Variants in CENPE observed in about 807,000 individuals in gnomAD.
The protein encoded by CENPE is centromere protein E.
A neutral mutation model predicts 336.1 loss-of-function variants in CENPE; 145 were observed. The observed-to-expected ratio is 0.43, with a 90% confidence interval of 0.38 to 0.50. The LOEUF is 0.50. Among genes scored for constraint, CENPE ranks in the 20% least tolerant of loss-of-function variants. The probability of loss-of-function intolerance (pLI) is 0.00; values close to 1 mark genes in which losing one functional copy is unlikely to be tolerated. For synonymous variants in CENPE, 1,013 were observed against 984.8 expected, an observed-to-expected ratio of 1.03 and a Z score of -0.54; for missense variants, 2,719 against 3,023.3, an observed-to-expected ratio of 0.90 and a Z score of 2.36.
Position 103,181,403 on chromosome 4 carries a change from T to G in CENPE, c.1017A>C (p.Ser339=). ...MKNTPYVNEV[S]TDEALLKRYR... ...ACCTTTTCAGGAGAGCTTCATCAGT[T>G]GATACCTCATTAACATAAGGAGTAT... The change falls in exon 12 of 49, where the codon TCA becomes TCC. Residue 339 remains serine, a synonymous_variant. Transcript: ENST00000265148. 1 of 1,569,332 alleles carries G rather than the reference T, an allele frequency of 6.4e-7. No homozygotes were observed. Among genetic ancestry groups the G allele is most frequent in the Non-Finnish European group, 8.7e-7 (1 of 1,154,676 alleles).
At chr4:103,179,375 C>T (rs976489507) in intron 13 of CENPE, among the ~76,000 whole-genome samples, 3 of 152,152 alleles carry the variant, frequency 2.0e-5, no homozygotes. Context: ...TTTAAAACGC[C>T]CCTGCTACTA....
In CENPE at chr4:103,147,416, T is replaced by C; in HGVS notation, c.4074A>G (p.Lys1358=). The C allele has an allele frequency of 6.2e-7, 1 of 1,613,394 alleles. No homozygotes were observed. Among genetic ancestry groups the C allele is most frequent in the Non-Finnish European group, 8.5e-7 (1 of 1,179,920 alleles). ...GGTCATGTTTAACTTCAAGGGCTTC[T>C]TTTATCGTTTTAAGGTTGTCTCTTT... is the stretch of plus-strand genomic sequence containing the variant. ...TKERDNLKTI[K]EALEVKHDQL... Residue 1358 remains lysine, a synonymous_variant, in exon 29 of 49, where the codon AAA becomes AAG. Transcript: ENST00000265148.
rs554398595 is a variant in CENPE at position 103,118,469 on chromosome 4, G to A, written c.7329+1679C>T. Among the ~76,000 whole-genome samples, 11 of 152,194 alleles carry A rather than the reference G, an allele frequency of 7.2e-5. 1 individual carries two copies. In the South Asian group the frequency reaches 2.3e-3, roughly 31 times the overall value. ...GATTTATCTTTTATATACAGTTTCT[G>A]CCAGTCTGTGGCTTCTCTTGATTCT... On this transcript the variant is annotated intron_variant, in intron 44 of 48. Coordinates refer to ENST00000265148, the MANE Select transcript of CENPE (RefSeq NM_001813.3).
In CENPE at chr4:103,147,375, A is replaced by G. The variant is rs770632861; in HGVS notation, c.4115T>C (p.Ile1372Thr). Reference protein sequence around the residue: ...EVKHDQLKEHIRETLAKIQES... With the variant: ...EVKHDQLKEHTRETLAKIQES... ...ACTTACTTTAGCCAAAGTTTCTCTA[A>G]TATGTTCTTTCAGCTGGTCATGTTT... The change falls in exon 29 of 49, where the codon ATT becomes ACT. Residue 1372 changes from isoleucine (I) to threonine (T), a missense_variant. Ile to Thr is a moderately conservative substitution (Grantham distance 89). Coordinates refer to ENST00000265148, the MANE Select transcript of CENPE (RefSeq NM_001813.3). 4.4e-6 allele frequency: 7 copies of G among 1,604,758 alleles called. No individual in the cohort carries two copies. The African/African-American group carries it at 6.7e-5, about 15-fold the overall frequency.
chr4:103,187,215 C>T (rs1030361491), intron 8 of CENPE, among the ~76,000 whole-genome samples: 5 of 152,260 alleles, frequency 3.3e-5, no homozygotes, highest in East Asian at 1.9e-4. Context: ...ACCAATCAGA[C>T]GTAGATTTGG....
chr4:103,149,693 A>T (rs1229798917), intron 26 of CENPE, among the ~76,000 whole-genome samples: 16 of 152,224 alleles, frequency 1.1e-4, no homozygotes, highest in Admixed American at 1.0e-3. Context: ...TCTTCATTCC[A>T]ATGAGTGTAT....
Position 103,186,738 on chromosome 4 carries a change from T to A in CENPE, c.694-877A>T, listed in dbSNP as rs114591344. Among the ~76,000 whole-genome samples, 800 of 152,238 alleles carry A rather than the reference T, an allele frequency of 5.3e-3. 9 individuals are homozygous for A. Among genetic ancestry groups the A allele is most frequent in the African/African-American group, 0.018 (753 of 41,536 alleles). On this transcript the variant is annotated intron_variant, in intron 8 of 48. Transcript: ENST00000265148. The stretch of plus-strand genomic sequence containing the variant: ...ATGTTGTGATAAGTGTAACAGAGAT[T>A]ATTTAAATAGAGCTGGAAAAGGGGC...
At chr4:103,178,223 C>T (rs886776213) in intron 13 of CENPE, among the ~76,000 whole-genome samples, 50 of 152,118 alleles carry the variant, frequency 3.3e-4, no homozygotes, top group African/African-American at 1.2e-3. Context: ...CCTTTATCAG[C>T]CTCCTGAGCA....
chr4:103,161,474 A>T lies in CENPE; in HGVS notation c.1843-17T>A. The T allele has an allele frequency of 6.5e-7, 1 of 1,549,602 alleles. No individual in the cohort carries two copies. Among genetic ancestry groups the T allele is most frequent in the Non-Finnish European group, 8.7e-7 (1 of 1,154,894 alleles). ...AATGCTTTCCTAGACAGATGACAAA[A>T]GGGGTTCACTGAAATCTAATTTTCA... On this transcript the variant is annotated splice_polypyrimidine_tract_variant and intron_variant, in intron 18 of 48. Transcript: ENST00000265148.
chr4:103,160,858 CT>C, intron 20 of CENPE, 79 bp from the exon 21 acceptor site: 5 of 1,254,488 alleles, frequency 4.0e-6, no homozygotes, highest in South Asian at 3.1e-5. Flanking sequence ...CTTGAATCAC[CT>C]TTTTCAGGAT....
intron 34 of CENPE, 47 bp downstream of exon 34, chr4:103,143,201 G>A (rs1295746094): frequency 1.8e-5 from 25 of 1,385,246 alleles, no homozygotes; most frequent in African/African-American, 2.9e-5. Context: ...TACACAAAAA[G>A]TTTGATTCAA....
intron 18 of CENPE, 145 bp from the exon 19 acceptor site, chr4:103,161,602 T>C (rs547383554): frequency 7.7e-6 from 5 of 647,442 alleles, no homozygotes; most frequent in African/African-American, 7.6e-5. Context: ...AAAGAAATAA[T>C]GTTTTCCTAA....
intron 10 of CENPE, 144 bp downstream of exon 10, chr4:103,183,057 A>G: frequency 4.6e-6 from 4 of 866,254 alleles, no homozygotes; most frequent in Non-Finnish European, 7.0e-6. Flanking sequence ...ACAGAAAGTA[A>G]ATTCAGTAGA....
chr4:103,181,274 T>C, intron 12 of CENPE, 63 bp downstream of exon 12: 1 of 1,213,388 alleles, frequency 8.2e-7, no homozygotes. Flanking sequence ...CTCTGAGCAT[T>C]TGGGCAGGTC....
intron 31 of CENPE, 75 bp downstream of exon 31, chr4:103,145,448 T>C (rs1210237867): frequency 2.1e-6 from 3 of 1,423,082 alleles, no homozygotes; most frequent in Admixed American, 2.0e-5. Context: ...GCATGCCAAA[T>C]AGTAGTCTTC....
Position 103,139,795 on chromosome 4 carries a change from T to C in CENPE, c.6198A>G (p.Ile2066Met), listed in dbSNP as rs754628122. 32 of 1,604,262 alleles carry C rather than the reference T, an allele frequency of 2.0e-5. No individual in the cohort carries two copies. Among genetic ancestry groups the C allele is most frequent in the Non-Finnish European group, 2.6e-5 (31 of 1,176,360 alleles). ...AGGAAGACTCTGAACTCACTCTAGC[T>C]ATCATTTCCCTTAAGGTTGCTATGA... ...DQFIATLREM[I>M]ARDRQNHQVK... The change falls in exon 38 of 49, where the codon ATA (isoleucine) becomes ATG (methionine). Residue 2066 changes from isoleucine to methionine, a missense_variant. By Grantham distance (10) the Ile-to-Met change is conservative. Transcript: ENST00000265148.
intron 45 of CENPE, among the ~76,000 whole-genome samples, 167 bp from the exon 46 acceptor site, chr4:103,114,719 C>T (rs1749927977): frequency 1.3e-5 from 2 of 152,232 alleles, no homozygotes; most frequent in Non-Finnish European, 2.9e-5. Context: ...TGCCTTATGG[C>T]ATTAATGCCA....
In CENPE at chr4:103,141,584, T is replaced by C. The variant is rs115725721; in HGVS notation, c.5463+166A>G. 0.011 allele frequency among the ~76,000 whole-genome samples: 1,697 copies of C among 152,320 alleles called. 7 individuals are homozygous for C. The highest frequency in any genetic ancestry group is 0.019 in the Non-Finnish European group (1,281 of 68,002). On this transcript the variant is annotated intron_variant, in intron 35 of 48. Coordinates refer to ENST00000265148, the MANE Select transcript of CENPE (RefSeq NM_001813.3). ...AGTATGTACGTACTCTTTTCTCTTA[T>C]GTACATACCCAAGAAGTGGAAATGT...
chr4:103,108,871 C>T lies in CENPE; in HGVS notation c.7943G>A (p.Arg2648Gln), dbSNP rs143276206. 5.8e-5 allele frequency: 93 copies of T among 1,613,782 alleles called. No individual in the cohort carries two copies. Among genetic ancestry groups the T allele is most frequent in the South Asian group, 8.8e-5 (8 of 91,056 alleles). The change falls in exon 48 of 49, where the codon CGA (arginine) becomes CAA (glutamine). Residue 2648 changes from arginine (R) to glutamine (Q), a missense_variant. Arg to Gln is a conservative substitution (Grantham distance 43). Around this residue, in one of 5 missense-constraint regions of CENPE, gnomAD observed 2,437 missense variants for 2,513.3 expected, o/e 0.97. Transcript: ENST00000265148. Reference protein sequence around the residue: ...ESPKSCFFDSRSKSLPSPHPV... With the variant: ...ESPKSCFFDSQSKSLPSPHPV... Reference sequence around the variant, plus strand: ...ATGAGGTGATGGTAAAGACTTTGATCGGCTATCAAAAAAACAAGATTTTGG... The same window carrying T: ...ATGAGGTGATGGTAAAGACTTTGATTGGCTATCAAAAAAACAAGATTTTGG...
Sources: gnomAD v4.1 joint callset for allele counts (sites outside exome capture counted in the v4.1 genomes callset) on GRCh38, gnomAD v4.1.1 for gene constraint, gnomAD v4.1.1 regional missense constraint, MANE v1.5 for transcripts, NCBI Gene and HGNC (gene_info 2026-07-23, HGNC 2026-07-21) for gene names.